COL5A1: variants seen among roughly 807,000 people sequenced by gnomAD.
COL5A1 encodes collagen alpha-1(V) chain.
Under a neutral mutation model 263.7 loss-of-function variants are expected in COL5A1, and 16 were observed. The ratio of observed to expected loss-of-function variants is 0.06; its 90% CI spans 0.04 to 0.09. COL5A1 has a LOEUF of 0.09. COL5A1 is among the 10% of genes least tolerant of loss of function. COL5A1 has a pLI of 1.00. For synonymous variants in COL5A1, 1,012 were observed against 1,004.5 expected, an observed-to-expected ratio of 1.01 and a Z score of -0.14; for missense variants, 2,036 against 2,540.5, an observed-to-expected ratio of 0.80 and a Z score of 4.27.
At chr9:134,697,291 G>C (rs1833514981) in intron 2 of COL5A1, among the ~76,000 whole-genome samples, 1 of 152,170 alleles carries the variant, frequency 6.6e-6, no homozygotes, top group African/African-American at 2.4e-5. Flanking sequence ...CCAGGAGAGA[G>C]ATTAATGTTA....
chr9:134,761,098 A>G (rs1352699060), intron 18 of COL5A1, among the ~76,000 whole-genome samples: 1 of 139,760 alleles, frequency 7.2e-6, no homozygotes, highest in Non-Finnish European at 1.5e-5. Context: ...CACACCCCAC[A>G]CATGCACACA....
intron 65 of COL5A1, among the ~76,000 whole-genome samples, chr9:134,835,658 C>T (rs893041751): frequency 1.3e-5 from 2 of 152,234 alleles, no homozygotes; most frequent in African/African-American, 4.8e-5. Flanking sequence ...CCGGACAGCC[C>T]GGCCCATGGG....
chr9:134,748,932 G>A (rs1835675898), intron 11 of COL5A1, among the ~76,000 whole-genome samples: 2 of 152,152 alleles, frequency 1.3e-5, no homozygotes, highest in East Asian at 1.9e-4. Context: ...AGAATATTTA[G>A]GGACAGTATC....
In COL5A1 at chr9:134,785,204, G is replaced by T. The variant is rs1237678687; in HGVS notation, c.2592+108G>T. On this transcript the variant is annotated intron_variant, in intron 30 of 65. Coordinates refer to ENST00000371817, the MANE Select transcript of COL5A1 (RefSeq NM_000093.5). ...TGGCTGCCCTAGGCATGGGGTGGGGGTGATTCCTGAGCGGGCTCCTGTCTC... is the reference window on the plus strand; with the variant it reads ...TGGCTGCCCTAGGCATGGGGTGGGGTTGATTCCTGAGCGGGCTCCTGTCTC... 1.2e-5 allele frequency: 10 copies of T among 818,596 alleles called. No homozygotes were observed. The African/African-American group carries it at 1.5e-4, about 13-fold the overall frequency. 50.7% of individuals were successfully genotyped at this position (818,596 alleles called of 1,614,324 possible). A position where few individuals can be genotyped will look rare whatever the true frequency, so the allele number is the denominator to read the frequency against.
chr9:134,819,449 T>G (rs1838903446), intron 57 of COL5A1, among the ~76,000 whole-genome samples: 1 of 152,254 alleles, frequency 6.6e-6, no homozygotes, highest in African/African-American at 2.4e-5. Flanking sequence ...TTTTTCTAAC[T>G]GCTGGGAATT....
rs1206496963 is a variant in COL5A1, at chr9:134,680,078, T to G, written c.110-10834T>G. On this transcript the variant is annotated intron_variant, in intron 1 of 65. Coordinates refer to ENST00000371817, the MANE Select transcript of COL5A1 (RefSeq NM_000093.5). The surrounding 1 kb of genome is among the most constrained non-coding windows in gnomAD (Gnocchi z 5.9). ...GAGAATCTCATAATAAGCAATGCAG[T>G]GAGAGCAGTGACACTGTCATCTTCA... Among the ~76,000 whole-genome samples the G allele has an allele frequency of 1.3e-5, 2 of 152,000 alleles. No homozygotes were observed. Among genetic ancestry groups the G allele is most frequent in the Non-Finnish European group, 2.9e-5 (2 of 67,978 alleles).
At chr9:134,824,294 T>C (rs1839160116) in intron 61 of COL5A1, among the ~76,000 whole-genome samples, 1 of 152,144 alleles carries the variant, frequency 6.6e-6, no homozygotes, top group Non-Finnish European at 1.5e-5. Context: ...GCTTGGCCTT[T>C]TGTGTGGCTG....
intron 2 of COL5A1, among the ~76,000 whole-genome samples, chr9:134,695,031 T>TC (rs1564393179): frequency 1.3e-5 from 2 of 152,110 alleles, no homozygotes; most frequent in East Asian, 1.9e-4. Context: ...CGAGGCAGTG[T>TC]CCCCCCTGGT....
chr9:134,732,935 G>A (rs545045915), intron 9 of COL5A1, among the ~76,000 whole-genome samples: 9 of 152,332 alleles, frequency 5.9e-5, no homozygotes, highest in African/African-American at 2.2e-4. Context: ...CCGGCAGGCA[G>A]GATGCCCTGT....
chr9:134,679,705 G>A (rs1246505413), intron 1 of COL5A1, among the ~76,000 whole-genome samples: 2 of 142,154 alleles, frequency 1.4e-5, no homozygotes, highest in African/African-American at 5.4e-5. Context: ...TGGTTAGGGG[G>A]CACTGCAGAG....
chr9:134,697,824 C>T (rs1168289256), intron 2 of COL5A1, among the ~76,000 whole-genome samples: 1 of 152,192 alleles, frequency 6.6e-6, no homozygotes, highest in Non-Finnish European at 1.5e-5. Context: ...TGATGCAAAG[C>T]CATAATCGCA....
chr9:134,752,139 C>T lies in COL5A1; in HGVS notation c.1663-450C>T, dbSNP rs114111869. Among the ~76,000 whole-genome samples the T allele has an allele frequency of 5.2e-3, 799 of 152,282 alleles. 13 individuals carry two copies. Among genetic ancestry groups the T allele is most frequent in the African/African-American group, 0.018 (751 of 41,550 alleles). On this transcript the variant is annotated intron_variant, in intron 13 of 65. Transcript: ENST00000371817. Reference sequence around the variant, plus strand: ...GTTCCTACCCTCCCAAAATACTTCCCCAGTGGCTGGGAGTGCTTGAAGCGC... The same window carrying T: ...GTTCCTACCCTCCCAAAATACTTCCTCAGTGGCTGGGAGTGCTTGAAGCGC...
chr9:134,705,156 T>C (rs1184093497), intron 4 of COL5A1, among the ~76,000 whole-genome samples: 1 of 151,530 alleles, frequency 6.6e-6, no homozygotes, highest in Non-Finnish European at 1.5e-5. Flanking sequence ...GGACTGGGGG[T>C]TTTTCCTGGG....
Position 134,780,092 on chromosome 9 carries a change from A to C in COL5A1, c.2386-10A>C, listed in dbSNP as rs2132759970. On this transcript the variant is annotated splice_polypyrimidine_tract_variant and intron_variant, in intron 27 of 65. Coordinates refer to ENST00000371817, the MANE Select transcript of COL5A1 (RefSeq NM_000093.5). The stretch of plus-strand genomic sequence containing the variant: ...ACCATTCACTCCTTTTTCTTTTCCC[A>C]CCCGCACAGGGGGCCGATGGCATCC... 1 of 1,613,254 alleles carries C rather than the reference A, an allele frequency of 6.2e-7. No individual in the cohort carries two copies. The highest frequency in any genetic ancestry group is 2.2e-5 in the East Asian group (1 of 44,868).
intron 4 of COL5A1, among the ~76,000 whole-genome samples, chr9:134,702,486 G>T (rs781719247): frequency 9.9e-5 from 15 of 152,092 alleles, no homozygotes; most frequent in Admixed American, 2.6e-4. Context: ...GTTTCTTCTC[G>T]GTGACTCGGG....
intron 18 of COL5A1, among the ~76,000 whole-genome samples, chr9:134,759,731 C>T (rs1177575219): frequency 1.0e-5 from 1 of 99,386 alleles, no homozygotes. Flanking sequence ...CCCCCACACT[C>T]ATACACACAC....
At chr9:134,705,935 G>T (rs1158155302) in intron 4 of COL5A1, among the ~76,000 whole-genome samples, 3 of 152,224 alleles carry the variant, frequency 2.0e-5, no homozygotes, top group Non-Finnish European at 2.9e-5. Context: ...GCCAGCCCCA[G>T]CTAGGGCGAG....
intron 38 of COL5A1, among the ~76,000 whole-genome samples, 198 bp downstream of exon 38, chr9:134,802,205 C>A (rs1048317093): frequency 6.6e-6 from 1 of 152,250 alleles, no homozygotes; most frequent in Admixed American, 6.5e-5. Context: ...TTGCCCTCAA[C>A]ACAAACCCAA....
Position 134,795,264 on chromosome 9 carries a change from T to G in COL5A1, c.2748T>G (p.Gly916=). The G allele has an allele frequency of 6.2e-7, 1 of 1,613,816 alleles. No homozygotes were observed. Among genetic ancestry groups the G allele is most frequent in the Admixed American group, 1.7e-5 (1 of 60,008 alleles). The change falls in exon 34 of 66, where the codon GGT becomes GGG. Residue 916 remains glycine, a splice_region_variant and synonymous_variant. Coordinates refer to ENST00000371817, the MANE Select transcript of COL5A1 (RefSeq NM_000093.5). ...PGPRGQRGPT[G]PRGERGPRGI... ...TTCCTTCTCTCCCATCTGTCCAGGG[T>G]CCGAGGGGTGAAAGAGGCCCCCGGG...
Sources: gnomAD v4.1 joint callset for allele counts (sites outside exome capture counted in the v4.1 genomes callset) on GRCh38, gnomAD v4.1.1 for gene constraint, Gnocchi (gnomAD v3.1) non-coding constraint, MANE v1.5 for transcripts, NCBI Gene and HGNC (gene_info 2026-07-23, HGNC 2026-07-21) for gene names.